PPP4R2: variants seen among roughly 807,000 people sequenced by gnomAD.
The protein encoded by PPP4R2 is protein phosphatase 4 regulatory subunit 2.
PPP4R2 carries 13 observed loss-of-function variants against 47.2 expected under a neutral mutation model. The ratio of observed to expected loss-of-function variants is 0.28; its 90% CI spans 0.18 to 0.44. The LOEUF (loss-of-function observed/expected upper bound fraction) is 0.44. Among genes scored for constraint, PPP4R2 ranks in the 20% least tolerant of loss-of-function variants. The pLI, the probability that PPP4R2 is intolerant of heterozygous loss-of-function variation, is 1.00. For missense variants in PPP4R2, 421 were observed against 491.2 expected, an observed-to-expected ratio of 0.86 and a Z score of 1.35; for synonymous variants, 151 against 163.3, an observed-to-expected ratio of 0.92 and a Z score of 0.57.
At chr3:73,043,940 G>A (rs1211761770) in intron 2 of PPP4R2, among the ~76,000 whole-genome samples, 3 of 152,100 alleles carry the variant, frequency 2.0e-5, no homozygotes, top group Non-Finnish European at 2.9e-5. Context: ...AGTTCCAGAC[G>A]ACTCTAAATT....
chr3:72,999,597 T>C (rs1701418570), intron 2 of PPP4R2, among the ~76,000 whole-genome samples: 1 of 152,256 alleles, frequency 6.6e-6, no homozygotes, highest in African/African-American at 2.4e-5. Flanking sequence ...CCCTTTTTGA[T>C]AAAGTACATT....
chr3:73,050,703 A>G (rs1329429992), intron 3 of PPP4R2, among the ~76,000 whole-genome samples: 4 of 152,218 alleles, frequency 2.6e-5, no homozygotes, highest in Non-Finnish European at 4.4e-5. Context: ...CAACATGTCT[A>G]TATTAGTACA....
chr3:72,998,053 GTT>G (rs761246883), intron 1 of PPP4R2, 22 bp from the exon 2 acceptor site: 1 of 1,496,852 alleles, frequency 6.7e-7, no homozygotes, highest in South Asian at 1.2e-5. Flanking sequence ...AACTGATAAC[GTT>G]TTTTTTTCTT....
intron 2 of PPP4R2, 138 bp downstream of exon 2, chr3:72,998,296 T>A: frequency 1.8e-6 from 1 of 565,030 alleles, no homozygotes; most frequent in Non-Finnish European, 3.1e-6. Flanking sequence ...AAATAATTTA[T>A]ATATTTACAT....
intron 3 of PPP4R2, among the ~76,000 whole-genome samples, chr3:73,050,124 GTTTA>G (rs1353230825): frequency 2.6e-5 from 4 of 151,726 alleles, no homozygotes; most frequent in East Asian, 1.9e-4. Flanking sequence ...TTGTTTGTTT[GTTTA>G]TTTGTTTTGT....
At chr3:73,019,991 T>C (rs1037827383) in intron 2 of PPP4R2, among the ~76,000 whole-genome samples, 1 of 152,236 alleles carries the variant, frequency 6.6e-6, no homozygotes, top group Non-Finnish European at 1.5e-5. Flanking sequence ...TTGGTTGTTT[T>C]ATCATTATTT....
intron 2 of PPP4R2, 85 bp downstream of exon 2, chr3:72,998,243 T>A: frequency 1.3e-6 from 1 of 799,704 alleles, no homozygotes; most frequent in Non-Finnish European, 2.0e-6. Context: ...TATTTTGGGA[T>A]AATTAAATAA....
At chr3:73,041,971 A>T (rs1197487918) in intron 2 of PPP4R2, among the ~76,000 whole-genome samples, 1 of 152,226 alleles carries the variant, frequency 6.6e-6, no homozygotes, top group African/African-American at 2.4e-5. Flanking sequence ...TTTATTAGAG[A>T]TATGAATTGT....
chr3:72,997,912 T>C (rs1046282923), intron 1 of PPP4R2, among the ~76,000 whole-genome samples, 165 bp from the exon 2 acceptor site: 1 of 152,196 alleles, frequency 6.6e-6, no homozygotes, highest in African/African-American at 2.4e-5. Flanking sequence ...GGTGACATGT[T>C]GGAAGTAGAA....
At chr3:73,044,110 C>G (rs1702435068) in intron 2 of PPP4R2, among the ~76,000 whole-genome samples, 1 of 152,158 alleles carries the variant, frequency 6.6e-6, no homozygotes, top group Non-Finnish European at 1.5e-5. Flanking sequence ...GTGTTTATCT[C>G]TCACATTTTG....
chr3:73,001,514 C>T (rs1575833968), intron 2 of PPP4R2, among the ~76,000 whole-genome samples: 1 of 152,288 alleles, frequency 6.6e-6, no homozygotes, highest in East Asian at 1.9e-4. Context: ...GTTGAGGCTG[C>T]AGTGAGCCGT....
At chr3:72,999,701 A>AT (rs946609988) in intron 2 of PPP4R2, among the ~76,000 whole-genome samples, 7 of 152,086 alleles carry the variant, frequency 4.6e-5, no homozygotes, top group South Asian at 4.1e-4. Flanking sequence ...AAGTTATCTG[A>AT]TTTTTTTTGG....
chr3:73,026,808 C>T (rs1322393712), intron 2 of PPP4R2, among the ~76,000 whole-genome samples: 1 of 152,130 alleles, frequency 6.6e-6, no homozygotes, highest in Non-Finnish European at 1.5e-5. Context: ...GAAGCCAAAA[C>T]ATTGGACAAT....
chr3:73,055,417 CGTGTGTGT>C (rs10663655), intron 3 of PPP4R2, among the ~76,000 whole-genome samples: 6,552 of 137,384 alleles, frequency 0.048, 207 homozygotes, highest in South Asian at 0.075. Context: ...AGTGGGGTAG[CGTGTGTGT>C]GTGTGTGTGT....
At chr3:73,016,450 G>A (rs780702390) in intron 2 of PPP4R2, among the ~76,000 whole-genome samples, 20 of 152,012 alleles carry the variant, frequency 1.3e-4, no homozygotes, top group Non-Finnish European at 8.8e-5. Flanking sequence ...GAATTGTCTG[G>A]CCCCAAATGT....
At chr3:73,057,571 C>A (rs1301396491) in intron 3 of PPP4R2, among the ~76,000 whole-genome samples, 2 of 152,086 alleles carry the variant, frequency 1.3e-5, no homozygotes, top group Non-Finnish European at 2.9e-5. Context: ...AGGTTTGAGA[C>A]AAAAGATTGA....
At chr3:73,058,101 CTTAAAAATATT>C (rs1483475350) in intron 3 of PPP4R2, among the ~76,000 whole-genome samples, 1 of 151,460 alleles carries the variant, frequency 6.6e-6, no homozygotes, top group Non-Finnish European at 1.5e-5. Flanking sequence ...GAGCTCAAAA[CTTAAAAATATT>C]TATAAAATGA....
intron 2 of PPP4R2, among the ~76,000 whole-genome samples, chr3:72,999,118 TGA>T (rs891790364): frequency 4.6e-5 from 7 of 152,226 alleles, no homozygotes; most frequent in African/African-American, 1.7e-4. Context: ...CCTCAGTGCT[TGA>T]TTTAATGGTC....
intron 4 of PPP4R2, among the ~76,000 whole-genome samples, chr3:73,060,133 A>C (rs1702821828): frequency 1.3e-5 from 2 of 152,330 alleles, no homozygotes; most frequent in South Asian, 4.1e-4. Context: ...ATCTGGTTCA[A>C]ATCCACTTTA....
Sources: allele counts gnomAD v4.1 joint callset (sites outside exome capture counted in the v4.1 genomes callset), GRCh38; gene constraint gnomAD v4.1.1; transcripts MANE v1.5; gene names NCBI Gene and HGNC (gene_info 2026-07-23, HGNC 2026-07-21).